RIMKLB: variants seen among roughly 807,000 people sequenced by gnomAD.
RIMKLB encodes beta-citrylglutamate synthase B.
In RIMKLB, 7 loss-of-function variants were observed where a neutral mutation model predicts 32.0. That is an observed-to-expected ratio of 0.22 (90% CI 0.12 to 0.41). The LOEUF (loss-of-function observed/expected upper bound fraction) is 0.41. Ranked by LOEUF, RIMKLB falls within the 10% of genes least tolerant of loss-of-function variation. RIMKLB has a pLI of 1.00. For synonymous variants in RIMKLB, 172 were observed against 185.1 expected, an observed-to-expected ratio of 0.93 and a Z score of 0.57; for missense variants, 289 against 498.7, an observed-to-expected ratio of 0.58 and a Z score of 4.00.
In RIMKLB at chr12:8,698,282, G is replaced by A; in HGVS notation, c.-72G>A. The A allele has an allele frequency of 2.8e-6, 1 of 357,822 alleles. No individual in the cohort carries two copies. The highest frequency in any genetic ancestry group is 5.7e-6 in the Non-Finnish European group (1 of 174,990). 22.2% of individuals were successfully genotyped at this position (357,822 alleles called of 1,614,324 possible). On this transcript the variant is annotated 5_prime_UTR_variant, in exon 1 of 6. Transcript: ENST00000535829. ...GCTCAGTCGGCCGAGAGCGAGGGAG[G>A]AGCCCCCCGACCCAGGTGAGCGGTA...
intron 5 of RIMKLB, among the ~76,000 whole-genome samples, chr12:8,768,492 A>G (rs1036163162): frequency 6.6e-6 from 1 of 152,236 alleles, no homozygotes; most frequent in Non-Finnish European, 1.5e-5. Flanking sequence ...ATCTGTTTTT[A>G]TAAGATTGGC....
chr12:8,753,054 G>A (rs61101189), intron 4 of RIMKLB, among the ~76,000 whole-genome samples: 9,566 of 152,152 alleles, frequency 0.063, 971 homozygotes, highest in African/African-American at 0.21. Context: ...CCTAAGGTAG[G>A]ATTTTAAGGC....
intron 1 of RIMKLB, among the ~76,000 whole-genome samples, chr12:8,705,993 G>C (rs113005130): frequency 1.3e-5 from 2 of 152,104 alleles, no homozygotes; most frequent in Non-Finnish European, 2.9e-5. Context: ...TGTTAATCAC[G>C]TATAGAAAAT....
At chr12:8,686,536 G>A (rs1211707238) in intron 1 of RIMKLB, among the ~76,000 whole-genome samples, 3 of 151,430 alleles carry the variant, frequency 2.0e-5, no homozygotes, top group Admixed American at 6.6e-5. Context: ...CTGGAGTGCA[G>A]TGGCGCGATC....
chr12:8,779,756 C>T (rs767451822), downstream of RIMKLB: 1 of 152,012 alleles, frequency 6.6e-6, no homozygotes. Context: ...AAACATAGAC[C>T]TAGATGACAA....
chr12:8,752,829 C>G (rs1948730801), intron 4 of RIMKLB, among the ~76,000 whole-genome samples: 1 of 151,722 alleles, frequency 6.6e-6, no homozygotes, highest in Non-Finnish European at 1.5e-5. Context: ...CAACCTCTGT[C>G]TCCCAGATTC....
intron 5 of RIMKLB, among the ~76,000 whole-genome samples, chr12:8,755,193 T>C (rs892790088): frequency 6.6e-6 from 1 of 152,096 alleles, no homozygotes; most frequent in African/African-American, 2.4e-5. Context: ...CTAGGTGATA[T>C]GCCTGCCTCG....
In RIMKLB at chr12:8,774,011, A is replaced by G. The variant is rs1950586832; in HGVS notation, c.*227A>G. On this transcript the variant is annotated 3_prime_UTR_variant, in exon 6 of 6. Transcript: ENST00000535829. ...GGCAGAATAGGTGGGGTATAGAAAA[A>G]TGTCAGGCTCTCATAGTTACCCTTT... 9 of 1,337,746 alleles carry G rather than the reference A, an allele frequency of 6.7e-6. No individual in the cohort carries two copies. Among genetic ancestry groups the G allele is most frequent in the African/African-American group, 1.5e-5 (1 of 68,716 alleles). 82.9% of individuals were successfully genotyped at this position (1,337,746 alleles called of 1,614,324 possible).
intron 1 of RIMKLB, among the ~76,000 whole-genome samples, chr12:8,698,713 C>T (rs1259375977): frequency 9.7e-5 from 10 of 103,336 alleles, no homozygotes; most frequent in African/African-American, 1.6e-4. Flanking sequence ...CCCCTCCCCC[C>T]CCTTCCCACA....
At chr12:8,777,312 G>C (rs1461517007), downstream of RIMKLB, 1 of 966,598 alleles carries the variant, frequency 1.0e-6, no homozygotes, top group East Asian at 1.3e-4. Context: ...ATTTTGGAAT[G>C]TTTCAGTAGT....
chr12:8,700,293 CTTTTAAAA>C, intron 1 of RIMKLB: 2 of 152,350 alleles, frequency 1.3e-5, no homozygotes, highest in South Asian at 4.1e-4. Flanking sequence ...AGAAACATCT[CTTTTAAAA>C]TATCTCCCAA....
chr12:8,741,589 C>CT (rs1947534437), intron 2 of RIMKLB, among the ~76,000 whole-genome samples: 2 of 151,600 alleles, frequency 1.3e-5, no homozygotes, highest in South Asian at 4.1e-4. Context: ...ACCAGCCTGG[C>CT]TAACATGGTG....
At chr12:8,763,559 A>G (rs868631696) in intron 5 of RIMKLB, among the ~76,000 whole-genome samples, 1 of 152,212 alleles carries the variant, frequency 6.6e-6, no homozygotes, top group Non-Finnish European at 1.5e-5. Flanking sequence ...TATAGGCTGG[A>G]TACGTTCCTC....
intron 1 of RIMKLB, among the ~76,000 whole-genome samples, chr12:8,707,957 G>A (rs1179109079): frequency 1.3e-5 from 2 of 152,084 alleles, no homozygotes; most frequent in East Asian, 1.9e-4. Flanking sequence ...AGTCTTTCCC[G>A]AAGCAAGCCT....
chr12:8,728,970 T>C (rs907491987), intron 2 of RIMKLB, among the ~76,000 whole-genome samples: 2 of 152,122 alleles, frequency 1.3e-5, no homozygotes, highest in South Asian at 2.1e-4. Context: ...TCCACTCACT[T>C]ACTGCTCCAC....
intron 5 of RIMKLB, among the ~76,000 whole-genome samples, chr12:8,768,938 A>T (rs748410414): frequency 2.0e-5 from 3 of 152,204 alleles, no homozygotes; most frequent in Non-Finnish European, 2.9e-5. Context: ...AAAAAATTCT[A>T]TCTTTCTGTT....
intron 5 of RIMKLB, among the ~76,000 whole-genome samples, chr12:8,770,257 C>T (rs1383332644): frequency 6.6e-6 from 1 of 152,232 alleles, no homozygotes; most frequent in Non-Finnish European, 1.5e-5. Flanking sequence ...GCCACCGCGC[C>T]TGGCCTATTG....
At chr12:8,689,888 G>A (rs771656493) in intron 1 of RIMKLB, among the ~76,000 whole-genome samples, 27 of 151,966 alleles carry the variant, frequency 1.8e-4, no homozygotes, top group African/African-American at 4.8e-4. Context: ...CCTCTTCTGC[G>A]CCCTCAAAGG....
chr12:8,729,798 G>A (rs946036836), intron 2 of RIMKLB, among the ~76,000 whole-genome samples: 2 of 152,052 alleles, frequency 1.3e-5, no homozygotes, highest in African/African-American at 2.4e-5. Context: ...GCTGCATTTT[G>A]TTTATCCATT....
Sources: gnomAD v4.1 joint callset for allele counts (sites outside exome capture counted in the v4.1 genomes callset) on GRCh38, gnomAD v4.1.1 for gene constraint, MANE v1.5 for transcripts, NCBI Gene and HGNC (gene_info 2026-07-23, HGNC 2026-07-21) for gene names.